ALKBH5: variants seen among roughly 807,000 people sequenced by gnomAD.
ALKBH5 encodes RNA demethylase ALKBH5.
ALKBH5 carries 2 observed loss-of-function variants against 32.1 expected under a neutral mutation model. The ratio of observed to expected loss-of-function variants is 0.06; its 90% CI spans 0.03 to 0.20. The LOEUF (loss-of-function observed/expected upper bound fraction) is 0.20. Among genes scored for constraint, ALKBH5 ranks in the 10% least tolerant of loss-of-function variants. The pLI, the probability that ALKBH5 is intolerant of heterozygous loss-of-function variation, is 1.00. For missense variants in ALKBH5, 352 were observed against 559.5 expected (o/e 0.63, Z 3.74); for synonymous variants, 300 against 231.7 (o/e 1.29, Z -2.68).
rs1303206051 is a variant in ALKBH5, at chr17:18,206,890, T to G, written c.927T>G (p.Asp309Glu). Residue 309 changes from aspartate to glutamate, a missense_variant, in exon 3 of 4, where the codon GAT (aspartate) becomes GAG (glutamate). This residue lies in a region of ALKBH5 where 124 missense variants were observed against 142.4 expected (regional missense o/e 0.87). Transcript: ENST00000399138. ...TGTTACCACCCAGCTATGCTTCAGA[T>G]CGCCTGTCAGGAAACAACAGGGACC... ...SSVLPPSYAS[D>E]RLSGNNRDPA... 6.2e-7 allele frequency: 1 copy of G among 1,614,242 alleles called. No individual in the cohort carries two copies. Among genetic ancestry groups the G allele is most frequent in the Admixed American group, 1.7e-5 (1 of 60,020 alleles).
At chr17:18,208,073 G>C in intron 3 of ALKBH5, 146 bp from the exon 4 acceptor site, 2 of 816,982 alleles carry the variant, frequency 2.4e-6, no homozygotes, top group Non-Finnish European at 3.8e-6. Context: ...AAGAACCTCC[G>C]ATACCAGGGC....
intron 2 of ALKBH5, among the ~76,000 whole-genome samples, chr17:18,199,326 T>C (rs540719461): frequency 6.6e-6 from 1 of 152,342 alleles, no homozygotes; most frequent in East Asian, 1.9e-4. Context: ...CTAACCTTAC[T>C]GGAGGTGTGG....
intron 2 of ALKBH5, among the ~76,000 whole-genome samples, chr17:18,197,942 C>CTA (rs1555550766): frequency 1.3e-5 from 2 of 152,168 alleles, no homozygotes; most frequent in Admixed American, 1.3e-4. Context: ...GTGGGGAACT[C>CTA]TAAAGTATCT....
At chr17:18,196,704 A>G (rs1416292923) in intron 2 of ALKBH5, among the ~76,000 whole-genome samples, 2 of 152,168 alleles carry the variant, frequency 1.3e-5, no homozygotes, top group Non-Finnish European at 2.9e-5. Flanking sequence ...CAGGTTTTCC[A>G]CTGTAAAATT....
intron 1 of ALKBH5, among the ~76,000 whole-genome samples, chr17:18,191,374 G>A (rs1374496034): frequency 6.6e-6 from 1 of 152,122 alleles, no homozygotes; most frequent in Non-Finnish European, 1.5e-5. Context: ...ATTTTTGTGG[G>A]CCTGTGCAGC....
At position 18,189,986 on chromosome 17, in the gene ALKBH5, G is replaced by T. The variant is rs80007883; in HGVS notation, c.771-4969G>T. Among the ~76,000 whole-genome samples the T allele has an allele frequency of 1.8e-3, 276 of 152,286 alleles. 2 individuals are homozygous for T. Among genetic ancestry groups the T allele is most frequent in the Non-Finnish European group, 3.4e-3 (232 of 68,030 alleles). On this transcript the variant is annotated intron_variant, in intron 1 of 3. Coordinates refer to ENST00000399138, the MANE Select transcript of ALKBH5 (RefSeq NM_017758.4). ...TAATTGAGCCTGAGCTCACAATCCT[G>T]CCCCTGGGTCCAGGTGGCTGGTCTG... is the stretch of plus-strand genomic sequence containing the variant.
chr17:18,198,609 C>T (rs1383499044), intron 2 of ALKBH5, among the ~76,000 whole-genome samples: 1 of 152,140 alleles, frequency 6.6e-6, no homozygotes, highest in Non-Finnish European at 1.5e-5. Context: ...GCCGGTCCTG[C>T]CTTCTCATAA....
chr17:18,192,535 C>T (rs1161893264), intron 1 of ALKBH5, among the ~76,000 whole-genome samples: 1 of 152,200 alleles, frequency 6.6e-6, no homozygotes, highest in Non-Finnish European at 1.5e-5. Context: ...CTACTGTTCT[C>T]CTTATTACAG....
intron 1 of ALKBH5, among the ~76,000 whole-genome samples, chr17:18,187,433 T>C (rs1291008407): frequency 1.3e-5 from 2 of 152,188 alleles, no homozygotes; most frequent in Admixed American, 1.3e-4. Context: ...TATTCAGGGC[T>C]TGATAATGCT....
intron 1 of ALKBH5, among the ~76,000 whole-genome samples, chr17:18,193,649 A>T (rs59588957): frequency 0.25 from 37,547 of 152,140 alleles, 4,873 homozygotes; most frequent in South Asian, 0.42. Flanking sequence ...AGCCTGAAGC[A>T]GTCTGGCTTT....
At chr17:18,202,031 G>A (rs2047244545) in intron 2 of ALKBH5, among the ~76,000 whole-genome samples, 1 of 152,048 alleles carries the variant, frequency 6.6e-6, no homozygotes, top group African/African-American at 2.4e-5. Flanking sequence ...TAATTGGCCG[G>A]GTGCGGTGGT....
intron 2 of ALKBH5, among the ~76,000 whole-genome samples, chr17:18,202,326 CA>C (rs968825657): frequency 1.0e-4 from 15 of 149,346 alleles, no homozygotes; most frequent in South Asian, 2.1e-4. Flanking sequence ...AAACAAAAAA[CA>C]AAAAAAAACA....
chr17:18,203,935 CCACTAGGGCTT>C lies in ALKBH5; in HGVS notation c.852-2875_852-2865del, dbSNP rs953310028. On this transcript the variant is annotated intron_variant, in intron 2 of 3. Coordinates refer to ENST00000399138, the MANE Select transcript of ALKBH5 (RefSeq NM_017758.4). Reference sequence around the variant, plus strand: ...CCGAAGAAACAACTCCAGAGTGCCCCCACTAGGGCTTCACTGGGGCTTTTGGGGCACACAGG... The same window carrying C: ...CCGAAGAAACAACTCCAGAGTGCCCCCACTGGGGCTTTTGGGGCACACAGG... 1.2e-4 allele frequency among the ~76,000 whole-genome samples: 19 copies of C among 152,172 alleles called. 1 individual carries two copies. Among genetic ancestry groups the C allele is most frequent in the African/African-American group, 4.6e-4 (19 of 41,436 alleles).
chr17:18,209,744 AT>A lies in ALKBH5; in HGVS notation c.*1349del. On this transcript the variant is annotated 3_prime_UTR_variant, in exon 4 of 4. Coordinates refer to ENST00000399138, the MANE Select transcript of ALKBH5 (RefSeq NM_017758.4). ...GTCTGAGACCTCATAGGCTGCAGAA[AT>A]CTGGGGCAGCCACCATCAAGAAGCC... 1 of 152,658 alleles carries A rather than the reference AT, an allele frequency of 6.6e-6. No homozygotes were observed. Among genetic ancestry groups the A allele is most frequent in the South Asian group, 2.1e-4 (1 of 4,824 alleles). 9.5% of individuals were successfully genotyped at this position (152,658 alleles called of 1,614,324 possible).
chr17:18,195,971 GT>G (rs1002672370), intron 2 of ALKBH5, among the ~76,000 whole-genome samples: 8 of 152,120 alleles, frequency 5.3e-5, no homozygotes, highest in African/African-American at 1.9e-4. Flanking sequence ...TTTTAGAATA[GT>G]TTTAGATTTA....
At chr17:18,199,802 CA>C (rs918784485) in intron 2 of ALKBH5, among the ~76,000 whole-genome samples, 7 of 151,470 alleles carry the variant, frequency 4.6e-5, no homozygotes, top group Non-Finnish European at 7.4e-5. Context: ...GGGAGCCCTG[CA>C]AAAAAAACCC....
At chr17:18,201,408 T>C (rs1189716567) in intron 2 of ALKBH5, among the ~76,000 whole-genome samples, 1 of 152,230 alleles carries the variant, frequency 6.6e-6, no homozygotes, top group Non-Finnish European at 1.5e-5. Context: ...TGCAGTCTTA[T>C]CTGCACCTGT....
At chr17:18,195,983 C>G (rs1394793667) in intron 2 of ALKBH5, among the ~76,000 whole-genome samples, 2 of 152,176 alleles carry the variant, frequency 1.3e-5, no homozygotes, top group Non-Finnish European at 2.9e-5. Flanking sequence ...TTTAGATTTA[C>G]AGACAATTGT....
At chr17:18,186,878 T>C (rs1269708729) in intron 1 of ALKBH5, among the ~76,000 whole-genome samples, 2 of 152,170 alleles carry the variant, frequency 1.3e-5, no homozygotes, top group East Asian at 3.9e-4. Flanking sequence ...CTGAGCTGGC[T>C]TTCCCATCTG....
Sources: gnomAD v4.1 joint callset for allele counts (sites outside exome capture counted in the v4.1 genomes callset) on GRCh38, gnomAD v4.1.1 for gene constraint, gnomAD v4.1.1 regional missense constraint, MANE v1.5 for transcripts, NCBI Gene and HGNC (gene_info 2026-07-23, HGNC 2026-07-21) for gene names.